Variants in PSD3 observed in about 807,000 individuals in gnomAD.
PSD3 encodes the protein pleckstrin and Sec7 domain containing 3.
Under a neutral mutation model 105.5 loss-of-function variants are expected in PSD3, and 49 were observed. The observed-to-expected ratio is 0.46, with a 90% CI of 0.37 to 0.59. The LOEUF (loss-of-function observed/expected upper bound fraction) is 0.59, where lower values mean the gene tolerates loss of function less well. Ranked by LOEUF, PSD3 falls within the 20% of genes least tolerant of loss-of-function variation. PSD3 has a pLI of 0.00. For missense variants in PSD3, 1,561 were observed against 1,263.8 expected, an observed-to-expected ratio of 1.24 and a Z score of -3.57; for synonymous variants, 557 against 457.8, an observed-to-expected ratio of 1.22 and a Z score of -2.77.
rs139168136 is a variant in PSD3, at chr8:19,009,093, T to A, written c.21+4470A>T. Among the ~76,000 whole-genome samples the A allele has an allele frequency of 1.1e-3, 164 of 152,358 alleles. 1 individual carries two copies. In the East Asian group the frequency reaches 0.021, roughly 20 times the overall value. Reference sequence around the variant, plus strand: ...TTCCAATTAATGACACATAACTACGTGGAACTCCTTACATGTGGTCCTACA... The same window carrying A: ...TTCCAATTAATGACACATAACTACGAGGAACTCCTTACATGTGGTCCTACA... On this transcript the variant is annotated intron_variant, in intron 1 of 15. Transcript: ENST00000327040.
In PSD3 at chr8:18,671,082, C is replaced by T. The variant is rs375033538; in HGVS notation, c.2173-15397G>A. Among the ~76,000 whole-genome samples the T allele has an allele frequency of 1.6e-3, 247 of 152,270 alleles. 2 individuals carry two copies. Among genetic ancestry groups the T allele is most frequent in the African/African-American group, 5.4e-3 (223 of 41,540 alleles). On this transcript the variant is annotated intron_variant, in intron 9 of 15. Transcript: ENST00000327040. ...GTTTCATTTGCTGAGAAGGCAAGGG[C>T]TTCAGTGAGGACGATGCTGTATAAC...
chr8:18,813,843 T>C lies in PSD3; in HGVS notation c.1635-8945A>G, dbSNP rs541100895. On this transcript the variant is annotated intron_variant, in intron 4 of 15. Transcript: ENST00000327040. The stretch of plus-strand genomic sequence containing the variant: ...AAGATGAGATGAGAAGATCCATGTA[T>C]GATGCTTGGCATGTAAGATGTCTGG... Among the ~76,000 whole-genome samples, 36 of 152,318 alleles carry C rather than the reference T, an allele frequency of 2.4e-4. No homozygotes were observed. In the South Asian group the frequency reaches 6.8e-3, roughly 29 times the overall value.
intron 10 of PSD3, among the ~76,000 whole-genome samples, chr8:18,651,838 G>C (rs541064694): frequency 1.3e-5 from 2 of 152,246 alleles, no homozygotes; most frequent in African/African-American, 4.8e-5. Context: ...GTGACTTCAC[G>C]AACACTGAAT....
In PSD3 at chr8:18,868,198, T is replaced by C. The variant is rs1817092227; in HGVS notation, c.1239-129A>G. ...CTATTCATTGACTTATATCTTAACA[T>C]ATTTGGGAAGGAAGCTATGAAATAT... On this transcript the variant is annotated intron_variant, in intron 3 of 15. Transcript: ENST00000327040. 5 of 1,087,070 alleles carry C rather than the reference T, an allele frequency of 4.6e-6. No homozygotes were observed. The South Asian group carries it at 8.8e-5, about 19-fold the overall frequency. The allele number at this position is 1,087,070 out of a possible 1,614,324, so 67.3% of individuals were successfully genotyped here. A position where few individuals can be genotyped will look rare whatever the true frequency, so the allele number is the denominator to read the frequency against.
chr8:18,944,571 AAAATAAATAAATAAATAAATAAATAAAT>A (rs56700106), intron 1 of PSD3, among the ~76,000 whole-genome samples: 4 of 143,770 alleles, frequency 2.8e-5, no homozygotes, highest in East Asian at 2.1e-4. Context: ...ACTCCATCTC[AAAATAAATAAATAAATAAATAAATAAAT>A]AAATAAATAA....
intron 6 of PSD3, among the ~76,000 whole-genome samples, chr8:18,802,865 G>C (rs1327052948): frequency 6.6e-6 from 1 of 152,206 alleles, no homozygotes; most frequent in Admixed American, 6.5e-5. Context: ...GTGAGTTTTA[G>C]ACACCTTCAT....
chr8:18,697,098 A>C (rs1307852540), intron 9 of PSD3, among the ~76,000 whole-genome samples: 1 of 152,184 alleles, frequency 6.6e-6, no homozygotes, highest in Non-Finnish European at 1.5e-5. Context: ...ATTTAAAAGA[A>C]GTTATTTCAA....
intron 1 of PSD3, among the ~76,000 whole-genome samples, chr8:19,082,074 G>C (rs1318249514): frequency 6.6e-6 from 1 of 152,152 alleles, no homozygotes; most frequent in African/African-American, 2.4e-5. Flanking sequence ...TGAAAGGATT[G>C]AGTAATTCTC....
chr8:18,938,024 C>G (rs1392714850), intron 1 of PSD3, among the ~76,000 whole-genome samples: 2 of 152,114 alleles, frequency 1.3e-5, no homozygotes, highest in African/African-American at 4.8e-5. Context: ...TAGAGATTTG[C>G]AGGATGAAGA....
chr8:18,630,969 A>T (rs918338459), intron 11 of PSD3, among the ~76,000 whole-genome samples: 2 of 151,866 alleles, frequency 1.3e-5, no homozygotes, highest in African/African-American at 4.8e-5. Context: ...GTGTCCTTGG[A>T]TTTTGGTACC....
At chr8:19,077,037 T>C (rs530216903) in intron 1 of PSD3, among the ~76,000 whole-genome samples, 1 of 152,344 alleles carries the variant, frequency 6.6e-6, no homozygotes, top group African/African-American at 2.4e-5. Context: ...ACCATTGTTT[T>C]TATTTATTAT....
At chr8:18,754,604 T>A (rs896858809) in intron 9 of PSD3, among the ~76,000 whole-genome samples, 2 of 152,102 alleles carry the variant, frequency 1.3e-5, no homozygotes, top group Non-Finnish European at 2.9e-5. Context: ...GTCAAAAATT[T>A]CAAAGTGAAA....
At chr8:18,834,379 G>A (rs1044195356) in intron 4 of PSD3, among the ~76,000 whole-genome samples, 14 of 152,122 alleles carry the variant, frequency 9.2e-5, no homozygotes, top group Non-Finnish European at 2.1e-4. Flanking sequence ...GTACCCATAA[G>A]AGAAAGATTA....
At chr8:18,685,643 A>G (rs563393008) in intron 9 of PSD3, among the ~76,000 whole-genome samples, 1 of 152,314 alleles carries the variant, frequency 6.6e-6, no homozygotes, top group Non-Finnish European at 1.5e-5. Flanking sequence ...TCTCAGAATT[A>G]AGAAAAATTC....
chr8:18,745,808 C>A (rs1218769217), intron 9 of PSD3, among the ~76,000 whole-genome samples: 1 of 152,192 alleles, frequency 6.6e-6, no homozygotes, highest in Non-Finnish European at 1.5e-5. Flanking sequence ...TTAAAAATTA[C>A]AAGTTCATAT....
intron 9 of PSD3, among the ~76,000 whole-genome samples, chr8:18,741,459 A>T (rs548188787): frequency 6.6e-6 from 1 of 152,326 alleles, no homozygotes; most frequent in African/African-American, 2.4e-5. Context: ...GGAGTAGCTT[A>T]TATCATATTA....
intron 2 of PSD3, among the ~76,000 whole-genome samples, chr8:18,921,284 C>G (rs1821001941): frequency 6.6e-6 from 1 of 152,160 alleles, no homozygotes; most frequent in Admixed American, 6.6e-5. Context: ...CAAAATGCAT[C>G]CTTTTAGTGT....
chr8:18,628,059 T>TA (rs1806619697), intron 11 of PSD3, among the ~76,000 whole-genome samples: 1 of 151,600 alleles, frequency 6.6e-6, no homozygotes, highest in Admixed American at 6.6e-5. Flanking sequence ...AAATGAAGAA[T>TA]AAAAACTATC....
intron 4 of PSD3, among the ~76,000 whole-genome samples, chr8:18,819,185 A>G (rs987112249): frequency 2.6e-5 from 4 of 152,240 alleles, no homozygotes; most frequent in Non-Finnish European, 5.9e-5. Flanking sequence ...CAGAGATGAC[A>G]AGGTAAACAG....
Sources: allele counts gnomAD v4.1 joint callset (sites outside exome capture counted in the v4.1 genomes callset), GRCh38; gene constraint gnomAD v4.1.1; transcripts MANE v1.5; gene names NCBI Gene and HGNC (gene_info 2026-07-23, HGNC 2026-07-21).